The following GRIP2 variants were observed in gnomAD, a reference collection of about 807,000 sequenced individuals.
GRIP2 encodes glutamate receptor-interacting protein 2.
Under a neutral mutation model 108.3 loss-of-function variants are expected in GRIP2, and 58 were observed. The observed-to-expected ratio is 0.54, with a 90% CI of 0.43 to 0.67. The LOEUF is 0.67. Ranked by LOEUF, GRIP2 falls within the 30% of genes least tolerant of loss-of-function variation. GRIP2 has a pLI of 0.00. For missense variants in GRIP2, 1,278 were observed against 1,430.6 expected (o/e 0.89, Z 1.72); for synonymous variants, 586 against 598.2 (o/e 0.98, Z 0.30).
upstream of GRIP2, among the ~76,000 whole-genome samples, chr3:14,558,026 A>G (rs951795976): frequency 1.3e-5 from 2 of 152,182 alleles, no homozygotes; most frequent in Non-Finnish European, 2.9e-5. Flanking sequence ...ATGGAGCCCA[A>G]CCCCTTGTGT....
intron 21 of GRIP2, among the ~76,000 whole-genome samples, chr3:14,502,915 A>G (rs1167387804): frequency 2.0e-5 from 3 of 152,230 alleles, no homozygotes; most frequent in African/African-American, 7.2e-5. Context: ...ATTAGAAATA[A>G]AAAGGGGGCA....
At chr3:14,498,537 A>G (rs1362892490) in intron 21 of GRIP2, among the ~76,000 whole-genome samples, 1 of 152,146 alleles carries the variant, frequency 6.6e-6, no homozygotes, top group Non-Finnish European at 1.5e-5. Context: ...GAGGGAGGAT[A>G]TTGAATGAGG....
chr3:14,533,038 A>T (rs1694750141), intron 1 of GRIP2, among the ~76,000 whole-genome samples: 1 of 152,218 alleles, frequency 6.6e-6, no homozygotes, highest in South Asian at 2.1e-4. Context: ...TTAAGCCAGG[A>T]ATCATTTCCA....
the GRIP2 span, among the ~76,000 whole-genome samples, chr3:14,597,798 G>A: frequency 3.3e-5 from 5 of 152,210 alleles, no homozygotes; most frequent in African/African-American, 1.2e-4. Context: ...TGGGGGTTGC[G>A]GGGGGCAATT....
chr3:14,502,815 T>A (rs934950943), intron 21 of GRIP2, among the ~76,000 whole-genome samples: 2 of 151,650 alleles, frequency 1.3e-5, no homozygotes, highest in African/African-American at 4.9e-5. Flanking sequence ...ATGAATAAAA[T>A]AGAAAATAAT....
At chr3:14,585,546 G>T in the GRIP2 span, among the ~76,000 whole-genome samples, 1 of 152,126 alleles carries the variant, frequency 6.6e-6, no homozygotes, top group Non-Finnish European at 1.5e-5. Flanking sequence ...ACTGCAGCTG[G>T]GCAGAGCCAC....
At chr3:14,527,143 C>T (rs138815088) in intron 1 of GRIP2, among the ~76,000 whole-genome samples, 4 of 152,196 alleles carry the variant, frequency 2.6e-5, no homozygotes, top group African/African-American at 7.2e-5. Context: ...GCTGTGATTG[C>T]GCCACTGCAT....
chr3:14,524,437 C>A lies in GRIP2; in HGVS notation c.359G>T (p.Gly120Val). ...CTCCACCTCCAGCACCACGCGCTCG[C>A]CCACATTCTTGAGCAGGGTGATGAT... ...DEIITLLKNV[G>V]ERVVLEVEYE... Residue 120 changes from glycine to valine, a missense_variant, in exon 4 of 24, where the codon GGC becomes GTC. By Grantham distance (109) the Gly-to-Val change is moderately radical. Coordinates refer to ENST00000621039, the MANE Select transcript of GRIP2 (RefSeq NM_001080423.4). 6.2e-7 allele frequency: 1 copy of A among 1,607,086 alleles called. No homozygotes were observed. The highest frequency in any genetic ancestry group is 8.5e-7 in the Non-Finnish European group (1 of 1,177,084).
At chr3:14,561,739 G>A in the GRIP2 span, among the ~76,000 whole-genome samples, 4 of 152,172 alleles carry the variant, frequency 2.6e-5, no homozygotes, top group African/African-American at 9.7e-5. Flanking sequence ...TCTTCCCCAC[G>A]GGCCAAGTGG....
Position 14,525,405 on chromosome 3 carries a change from C to T in GRIP2, c.257+32G>A, listed in dbSNP as rs369504647. On this transcript the variant is annotated intron_variant, in intron 3 of 23. Transcript: ENST00000621039. ...GCTCCCATCATTGCCTCTGCACCCC[C>T]CTCCTGCGGCCGTGCCAAGCCCACT... 5.6e-4 allele frequency: 904 copies of T among 1,606,800 alleles called. 7 individuals are homozygous for T. The African/African-American group carries it at 0.01, about 18-fold the overall frequency.
chr3:14,558,765 C>A (rs1213289947), upstream of GRIP2, among the ~76,000 whole-genome samples: 1 of 152,138 alleles, frequency 6.6e-6, no homozygotes, highest in Non-Finnish European at 1.5e-5. Context: ...CCCCAGAGAC[C>A]CCACAGGCCT....
intron 11 of GRIP2, 49 bp from the exon 12 acceptor site, chr3:14,514,527 C>A: frequency 6.7e-7 from 1 of 1,482,076 alleles, no homozygotes; most frequent in Non-Finnish European, 9.0e-7. Flanking sequence ...CCACGGAGGT[C>A]TTCCTGCCAG....
the GRIP2 span, chr3:14,573,100 T>C: frequency 7.1e-7 from 1 of 1,414,474 alleles, no homozygotes; most frequent in Non-Finnish European, 1.0e-6. Flanking sequence ...AACCCCGAAA[T>C]GTGGGCAAAG....
chr3:14,508,701 T>C (rs1693998353), intron 17 of GRIP2, among the ~76,000 whole-genome samples: 1 of 151,980 alleles, frequency 6.6e-6, no homozygotes, highest in African/African-American at 2.4e-5. Flanking sequence ...ACTGCCCAAA[T>C]TGAGATGTGC....
chr3:14,560,805 G>A (rs1695304973), upstream of GRIP2, among the ~76,000 whole-genome samples: 1 of 152,130 alleles, frequency 6.6e-6, no homozygotes, highest in Admixed American at 6.5e-5. Flanking sequence ...GGTAACTTGG[G>A]CCCAAAAGTA....
the GRIP2 span, among the ~76,000 whole-genome samples, chr3:14,576,767 A>G: frequency 1.3e-5 from 2 of 152,298 alleles, no homozygotes; most frequent in African/African-American, 4.8e-5. Flanking sequence ...TTTTGACCCC[A>G]CTGCTAGACA....
At chr3:14,549,716 C>T (rs1406364548) in intron 1 of GRIP2, among the ~76,000 whole-genome samples, 2 of 152,208 alleles carry the variant, frequency 1.3e-5, no homozygotes, top group African/African-American at 2.4e-5. Flanking sequence ...CTACTTCTCA[C>T]CTCTAGGGGC....
At position 14,521,991 on chromosome 3, in the gene GRIP2, G is replaced by A. The variant is rs544579527; in HGVS notation, c.567-204C>T. On this transcript the variant is annotated intron_variant, in intron 6 of 23. Transcript: ENST00000621039. The surrounding 1 kb of genome is among the most constrained non-coding windows in gnomAD (Gnocchi z 5.1). ...GAGTGGGGAGCTGCATAAAGCAAGG[G>A]GGGGATGAAGACAGGATGGGGTGGC... 1.1e-4 allele frequency: 60 copies of A among 552,384 alleles called. No individual in the cohort carries two copies. The highest frequency in any genetic ancestry group is 4.6e-4 in the Middle Eastern group (1 of 2,152). 34.2% of individuals were successfully genotyped at this position (552,384 alleles called of 1,614,324 possible).
Position 14,508,734 on chromosome 3 carries a change from G to C in GRIP2, c.2079-1034C>G, listed in dbSNP as rs1192513869. 3.9e-5 allele frequency among the ~76,000 whole-genome samples: 6 copies of C among 152,172 alleles called. No individual in the cohort carries two copies. The East Asian group carries it at 1.2e-3, about 29-fold the overall frequency. The stretch of plus-strand genomic sequence containing the variant: ...TGCTAAAAGCAGAAAACTCACACCA[G>C]ATACGGAAGGTGTAACATGAAAAAG... On this transcript the variant is annotated intron_variant, in intron 17 of 23. Coordinates refer to ENST00000621039, the MANE Select transcript of GRIP2 (RefSeq NM_001080423.4).
Sources: gnomAD v4.1 joint callset for allele counts (sites outside exome capture counted in the v4.1 genomes callset) on GRCh38, gnomAD v4.1.1 for gene constraint, Gnocchi (gnomAD v3.1) non-coding constraint, MANE v1.5 for transcripts, NCBI Gene and HGNC (gene_info 2026-07-23, HGNC 2026-07-21) for gene names.